The following LIMS1 variants were observed in gnomAD, a reference collection of about 807,000 sequenced individuals.
LIMS1 encodes the protein LIM zinc finger domain containing 1.
Under a neutral mutation model 44.1 loss-of-function variants are expected in LIMS1, and 18 were observed. The observed-to-expected ratio is 0.41, with a 90% CI of 0.28 to 0.61. The LOEUF (loss-of-function observed/expected upper bound fraction) is 0.61. Among genes scored for constraint, LIMS1 ranks in the 20% least tolerant of loss-of-function variants. LIMS1 has a pLI of 0.32. For synonymous variants in LIMS1, 93 were observed against 149.1 expected, an observed-to-expected ratio of 0.62 and a Z score of 2.74; for missense variants, 201 against 422.0, an observed-to-expected ratio of 0.48 and a Z score of 4.59.
upstream of LIMS1, chr2:108,534,351 G>A (rs954673008): frequency 4.3e-6 from 1 of 230,892 alleles, no homozygotes; most frequent in Admixed American, 5.9e-5. Flanking sequence ...GCCCCTCCTT[G>A]CCCAGCCGCT....
intron 1 of LIMS1, among the ~76,000 whole-genome samples, chr2:108,610,148 A>ATGTGTGTGTGTGTG (rs60571292): frequency 7.0e-6 from 1 of 143,274 alleles, no homozygotes; most frequent in Non-Finnish European, 1.5e-5. Context: ...GTTACAAAAA[A>ATGTGTGTGTGTGTG]TGTGTGTGTG....
chr2:108,549,275 G>GTTTTT (rs1558782542), intron 1 of LIMS1, among the ~76,000 whole-genome samples: 2 of 86,480 alleles, frequency 2.3e-5, no homozygotes, highest in African/African-American at 3.7e-5. Context: ...CAAGTAAAGT[G>GTTTTT]TTTCTTTTTT....
At chr2:108,605,993 C>T (rs1411944747) in intron 1 of LIMS1, among the ~76,000 whole-genome samples, 5 of 152,256 alleles carry the variant, frequency 3.3e-5, no homozygotes, top group African/African-American at 1.2e-4. Context: ...GGGGGCCAGG[C>T]AGCGTGGCCC....
At chr2:108,630,007 A>C (rs2148892291) in intron 1 of LIMS1, among the ~76,000 whole-genome samples, 1 of 152,338 alleles carries the variant, frequency 6.6e-6, no homozygotes, top group South Asian at 2.1e-4. Context: ...AGACTGGGCA[A>C]CATGGTGAAA....
chr2:108,681,650 G>C (rs1693003380), intron 9 of LIMS1: 2 of 929,544 alleles, frequency 2.2e-6, no homozygotes, highest in Middle Eastern at 5.6e-4. Context: ...GCGAGGCATG[G>C]TGGCTCACGC....
chr2:108,627,260 A>C (rs1411331687), intron 1 of LIMS1, among the ~76,000 whole-genome samples: 1 of 152,216 alleles, frequency 6.6e-6, no homozygotes, highest in African/African-American at 2.4e-5. Context: ...TTCTCAGATC[A>C]TATCCTTGTC....
chr2:108,638,443 G>C, intron 1 of LIMS1, among the ~76,000 whole-genome samples: 1 of 151,998 alleles, frequency 6.6e-6, no homozygotes, highest in Non-Finnish European at 1.5e-5. Flanking sequence ...TGCCATGAGG[G>C]GTATAAAGAT....
intron 1 of LIMS1, among the ~76,000 whole-genome samples, chr2:108,578,844 T>G (rs946762651): frequency 1.3e-5 from 2 of 152,146 alleles, no homozygotes; most frequent in Non-Finnish European, 2.9e-5. Context: ...TCTGTCTGCC[T>G]CAGCCTCCCA....
At chr2:108,607,659 C>T (rs1687346103) in intron 1 of LIMS1, among the ~76,000 whole-genome samples, 1 of 152,120 alleles carries the variant, frequency 6.6e-6, no homozygotes, top group Non-Finnish European at 1.5e-5. Flanking sequence ...CAGTCTTTCC[C>T]ATCTGTTTTT....
intron 1 of LIMS1, among the ~76,000 whole-genome samples, chr2:108,555,289 C>G (rs1161490638): frequency 6.6e-6 from 1 of 152,074 alleles, no homozygotes; most frequent in Admixed American, 6.6e-5. Flanking sequence ...TTTCCACTGG[C>G]AGCCATTCTG....
At chr2:108,662,101 CAG>C in intron 2 of LIMS1, 5 of 1,572,460 alleles carry the variant, frequency 3.2e-6, no homozygotes, top group Non-Finnish European at 4.3e-6. Context: ...GAGAAGAACT[CAG>C]AGAAAAAGAC....
chr2:108,640,348 A>G (rs886344714), intron 1 of LIMS1, among the ~76,000 whole-genome samples: 7 of 152,204 alleles, frequency 4.6e-5, no homozygotes, highest in South Asian at 2.1e-4. Flanking sequence ...GGTGCTTCTT[A>G]AGAAACAAGC....
chr2:108,630,458 C>T (rs1688847765), intron 1 of LIMS1, among the ~76,000 whole-genome samples: 1 of 147,952 alleles, frequency 6.8e-6, no homozygotes, highest in Non-Finnish European at 1.5e-5. Context: ...GACTTGATGA[C>T]TGTTGGAGTT....
chr2:108,631,470 G>A (rs560653759), intron 1 of LIMS1, among the ~76,000 whole-genome samples: 1 of 151,644 alleles, frequency 6.6e-6, no homozygotes, highest in South Asian at 2.1e-4. Flanking sequence ...AGGATTTATT[G>A]TGTTTCATTT....
chr2:108,615,207 GCT>G (rs1321740634), intron 1 of LIMS1, among the ~76,000 whole-genome samples: 1 of 152,112 alleles, frequency 6.6e-6, no homozygotes, highest in Admixed American at 6.5e-5. Flanking sequence ...TTTGTGGAAA[GCT>G]CTCATTTGTG....
chr2:108,585,801 A>G (rs1686077501), intron 1 of LIMS1, among the ~76,000 whole-genome samples: 1 of 152,120 alleles, frequency 6.6e-6, no homozygotes, highest in Admixed American at 6.5e-5. Flanking sequence ...GGACTGAAAA[A>G]TGCCTTCTGG....
intron 1 of LIMS1, among the ~76,000 whole-genome samples, chr2:108,564,122 C>T (rs1685215504): frequency 6.6e-6 from 1 of 152,016 alleles, no homozygotes; most frequent in South Asian, 2.1e-4. Context: ...CACAGCCACC[C>T]CAGGCTTCAG....
At chr2:108,547,623 C>T (rs763341246) in intron 1 of LIMS1, among the ~76,000 whole-genome samples, 2 of 152,186 alleles carry the variant, frequency 1.3e-5, no homozygotes, top group Non-Finnish European at 2.9e-5. Context: ...AGCCTGGTTC[C>T]TCAGGCTTGT....
chr2:108,648,819 T>C (rs775896077), intron 1 of LIMS1, among the ~76,000 whole-genome samples: 1 of 152,170 alleles, frequency 6.6e-6, no homozygotes, highest in Admixed American at 6.5e-5. Flanking sequence ...TTACACCTTA[T>C]ACAAAAATTA....
Sources: allele counts gnomAD v4.1 joint callset (sites outside exome capture counted in the v4.1 genomes callset), GRCh38; gene constraint gnomAD v4.1.1; transcripts MANE v1.5; gene names NCBI Gene and HGNC (gene_info 2026-07-23, HGNC 2026-07-21).